The following ERBB4 variants were observed in gnomAD, a reference collection of about 807,000 sequenced individuals.
ERBB4 encodes receptor tyrosine-protein kinase erbB-4.
ERBB4 carries 42 observed loss-of-function variants against 158.0 expected under a neutral mutation model. The ratio of observed to expected loss-of-function variants is 0.27; its 90% confidence interval spans 0.21 to 0.34. The LOEUF (loss-of-function observed/expected upper bound fraction) is 0.34, where lower values mean the gene tolerates loss of function less well. ERBB4 is among the 10% of genes least tolerant of loss of function. ERBB4 has a pLI of 1.00. For synonymous variants in ERBB4, 583 were observed against 558.7 expected (o/e 1.04, Z -0.61); for missense variants, 1,333 against 1,624.1 (o/e 0.82, Z 3.08).
At chr2:212,033,018 A>G (rs2125353352) in intron 2 of ERBB4, among the ~76,000 whole-genome samples, 1 of 152,094 alleles carries the variant, frequency 6.6e-6, no homozygotes, top group East Asian at 1.9e-4. Flanking sequence ...GAGAGTTGAT[A>G]GGAAACTGGG....
intron 1 of ERBB4, among the ~76,000 whole-genome samples, chr2:212,401,121 CA>C (rs2091191274): frequency 6.6e-6 from 1 of 152,092 alleles, no homozygotes; most frequent in African/African-American, 2.4e-5. Context: ...ATTATTTACC[CA>C]ATGTCTGTGT....
At chr2:212,057,346 G>C (rs143508931) in intron 2 of ERBB4, among the ~76,000 whole-genome samples, 226 of 152,066 alleles carry the variant, frequency 1.5e-3, no homozygotes, top group African/African-American at 3.6e-3. Context: ...CTTTAACACC[G>C]CACTGTCAAC....
chr2:211,463,258 A>C (rs1344563213), intron 20 of ERBB4, among the ~76,000 whole-genome samples: 1 of 152,164 alleles, frequency 6.6e-6, no homozygotes, highest in Non-Finnish European at 1.5e-5. Flanking sequence ...TTTAGTTTCA[A>C]GGATTCCTGG....
chr2:212,219,013 T>C (rs573903006), intron 1 of ERBB4, among the ~76,000 whole-genome samples: 12 of 151,404 alleles, frequency 7.9e-5, no homozygotes, highest in African/African-American at 2.4e-4. Context: ...TTCGTGTAGA[T>C]TCCATTCCTT....
chr2:211,880,970 C>T, intron 3 of ERBB4, among the ~76,000 whole-genome samples: 1 of 152,150 alleles, frequency 6.6e-6, no homozygotes. Flanking sequence ...GGAGCTTACT[C>T]AGTTTTGACT....
At chr2:211,839,827 C>T (rs1447611223) in intron 3 of ERBB4, among the ~76,000 whole-genome samples, 1 of 152,018 alleles carries the variant, frequency 6.6e-6, no homozygotes, top group East Asian at 1.9e-4. Context: ...TGAGTGTGCA[C>T]TCCTATGTAC....
At chr2:212,351,927 C>G (rs2089269738) in intron 1 of ERBB4, among the ~76,000 whole-genome samples, 1 of 152,088 alleles carries the variant, frequency 6.6e-6, no homozygotes, top group Non-Finnish European at 1.5e-5. Flanking sequence ...AAATGTCTAT[C>G]AGTGGTAGAC....
At chr2:212,364,103 C>T (rs897522968) in intron 1 of ERBB4, among the ~76,000 whole-genome samples, 1 of 151,678 alleles carries the variant, frequency 6.6e-6, no homozygotes, top group Non-Finnish European at 1.5e-5. Flanking sequence ...TATCTCAATT[C>T]TGGGCTGCAA....
At chr2:212,059,714 G>C (rs578166539) in intron 2 of ERBB4, among the ~76,000 whole-genome samples, 5 of 152,168 alleles carry the variant, frequency 3.3e-5, no homozygotes, top group African/African-American at 1.2e-4. Flanking sequence ...TTTAATAAAT[G>C]GTCCTGGGAA....
In ERBB4 at chr2:211,894,485, G is replaced by A. The variant is rs562696438; in HGVS notation, c.421+52945C>T. Among the ~76,000 whole-genome samples, 51 of 149,934 alleles carry A rather than the reference G, an allele frequency of 3.4e-4. 1 individual carries two copies. The South Asian group carries it at 7.7e-3, about 23-fold the overall frequency. On this transcript the variant is annotated intron_variant, in intron 3 of 27. Coordinates refer to ENST00000342788, the MANE Select transcript of ERBB4 (RefSeq NM_005235.3). ...TAGATGACGAGTTAGTGGGTGCAGC[G>A]CACCAGCATGGCACATGTATACATA...
intron 2 of ERBB4, among the ~76,000 whole-genome samples, chr2:211,966,792 G>T (rs2081322403): frequency 6.6e-6 from 1 of 151,964 alleles, no homozygotes. Context: ...AATTTCCTCT[G>T]AACTTTATTA....
In ERBB4 at chr2:212,465,762, G is replaced by A. The variant is rs1356771860; in HGVS notation, c.82+72687C>T. On this transcript the variant is annotated intron_variant, in intron 1 of 27. Transcript: ENST00000342788. ...TTATACCTAAAGTAGTCATCCCCTG[G>A]CTATGTGTCTCAAATATTGACATAC... Among the ~76,000 whole-genome samples the A allele has an allele frequency of 2.0e-5, 3 of 151,990 alleles. No homozygotes were observed. The East Asian group carries it at 5.8e-4, about 29-fold the overall frequency.
At chr2:211,618,438 A>C (rs190794638) in intron 19 of ERBB4, among the ~76,000 whole-genome samples, 42 of 152,094 alleles carry the variant, frequency 2.8e-4, no homozygotes, top group Admixed American at 2.6e-3. Flanking sequence ...CTGCTTTCCT[A>C]CCAAAAAGAG....
chr2:212,048,089 G>A (rs2077304354), intron 2 of ERBB4, among the ~76,000 whole-genome samples: 1 of 152,142 alleles, frequency 6.6e-6, no homozygotes, highest in Non-Finnish European at 1.5e-5. Context: ...GGAAGAAAAA[G>A]TTCAGAAGAT....
chr2:211,964,190 T>C (rs150542339), intron 2 of ERBB4, among the ~76,000 whole-genome samples: 213 of 152,294 alleles, frequency 1.4e-3, no homozygotes, highest in African/African-American at 4.9e-3. Flanking sequence ...ACTAGGTTCA[T>C]GGTATGCTCA....
chr2:211,842,140 T>G (rs1490589535), intron 3 of ERBB4, among the ~76,000 whole-genome samples: 1 of 152,056 alleles, frequency 6.6e-6, no homozygotes, highest in African/African-American at 2.4e-5. Context: ...TTAAAGTTAG[T>G]AATTAAAACA....
intron 2 of ERBB4, among the ~76,000 whole-genome samples, chr2:212,048,839 G>A (rs1575563477): frequency 6.6e-6 from 1 of 152,166 alleles, no homozygotes; most frequent in Admixed American, 6.5e-5. Context: ...TAAGACAAGT[G>A]TGTTTAAAGA....
At chr2:211,498,325 T>C (rs2065526148) in intron 20 of ERBB4, among the ~76,000 whole-genome samples, 1 of 152,152 alleles carries the variant, frequency 6.6e-6, no homozygotes, top group Non-Finnish European at 1.5e-5. Flanking sequence ...GAATTGGAAA[T>C]ATTACACTAG....
intron 16 of ERBB4, among the ~76,000 whole-genome samples, chr2:211,649,101 T>C (rs1428600154): frequency 1.3e-5 from 2 of 151,864 alleles, no homozygotes; most frequent in East Asian, 1.9e-4. Context: ...CACGCTTAGA[T>C]CATGGAATTT....
Sources: gnomAD v4.1 joint callset for allele counts (sites outside exome capture counted in the v4.1 genomes callset) on GRCh38, gnomAD v4.1.1 for gene constraint, MANE v1.5 for transcripts, NCBI Gene and HGNC (gene_info 2026-07-23, HGNC 2026-07-21) for gene names.